LGR5: variants seen among roughly 807,000 people sequenced by gnomAD.
The protein encoded by LGR5 is leucine rich repeat containing G protein-coupled receptor 5.
LGR5 carries 54 observed loss-of-function variants against 76.7 expected under a neutral mutation model. That is an observed-to-expected ratio of 0.70 (90% CI 0.57 to 0.88). The LOEUF (loss-of-function observed/expected upper bound fraction) is 0.88. Among genes scored for constraint, LGR5 ranks in the 40% least tolerant of loss-of-function variants. LGR5 has a pLI of 0.00. For synonymous variants in LGR5, 406 were observed against 421.9 expected, an observed-to-expected ratio of 0.96 and a Z score of 0.46; for missense variants, 1,078 against 1,073.3, an observed-to-expected ratio of 1.00 and a Z score of -0.06.
At chr12:71,494,258 T>C (rs1246020460) in intron 1 of LGR5, among the ~76,000 whole-genome samples, 1 of 150,842 alleles carries the variant, frequency 6.6e-6, no homozygotes, top group Non-Finnish European at 1.5e-5. Context: ...GATTTTTTTT[T>C]GTAGAGACTA....
chr12:71,544,506 G>A (rs149896376), intron 4 of LGR5, among the ~76,000 whole-genome samples: 210 of 147,572 alleles, frequency 1.4e-3, no homozygotes, highest in African/African-American at 4.6e-3. Flanking sequence ...ATATTAATTT[G>A]GAATCACACA....
At chr12:71,481,652 T>C (rs1873608700) in intron 1 of LGR5, among the ~76,000 whole-genome samples, 1 of 152,128 alleles carries the variant, frequency 6.6e-6, no homozygotes, top group Non-Finnish European at 1.5e-5. Context: ...GAAAGGAAGA[T>C]TTCATCCTGT....
At chr12:71,538,944 A>C (rs1876739194) in intron 4 of LGR5, among the ~76,000 whole-genome samples, 1 of 152,206 alleles carries the variant, frequency 6.6e-6, no homozygotes, top group South Asian at 2.1e-4. Context: ...TTAAAATATA[A>C]AAGTCAGGCA....
intron 1 of LGR5, among the ~76,000 whole-genome samples, chr12:71,477,245 A>G (rs1433761858): frequency 6.6e-6 from 1 of 152,040 alleles, no homozygotes; most frequent in East Asian, 1.9e-4. Context: ...CACAAACAAT[A>G]ACCCTGGTAG....
chr12:71,531,912 A>G (rs1206238977), intron 3 of LGR5, among the ~76,000 whole-genome samples: 1 of 152,172 alleles, frequency 6.6e-6, no homozygotes, highest in African/African-American at 2.4e-5. Flanking sequence ...TTTAAGTTCC[A>G]TTATCTGAAG....
intron 4 of LGR5, among the ~76,000 whole-genome samples, chr12:71,544,453 A>G (rs1877053696): frequency 1.3e-5 from 2 of 149,704 alleles, no homozygotes; most frequent in South Asian, 4.2e-4. Context: ...ATAAGCAATC[A>G]TGTTATTTAA....
At chr12:71,471,751 C>T (rs965642224) in intron 1 of LGR5, among the ~76,000 whole-genome samples, 3 of 151,590 alleles carry the variant, frequency 2.0e-5, no homozygotes, top group African/African-American at 7.3e-5. Flanking sequence ...GACTCAGTTT[C>T]CTTCCTATAA....
intron 12 of LGR5, among the ~76,000 whole-genome samples, chr12:71,571,965 A>G (rs1261045864): frequency 1.3e-5 from 2 of 152,156 alleles, no homozygotes; most frequent in South Asian, 4.1e-4. Context: ...TTTGTTTCAC[A>G]ATAGTCAACT....
At chr12:71,519,046 A>T (rs1332323541) in intron 2 of LGR5, among the ~76,000 whole-genome samples, 1 of 152,198 alleles carries the variant, frequency 6.6e-6, no homozygotes, top group African/African-American at 2.4e-5. Flanking sequence ...AGATCTGATC[A>T]CATTACTCTC....
At chr12:71,448,777 A>G (rs1234472572) in intron 1 of LGR5, 4 of 152,246 alleles carry the variant, frequency 2.6e-5, no homozygotes, top group African/African-American at 9.6e-5. Context: ...ATTTCACAGT[A>G]TTTGTTGAGT....
chr12:71,564,964 TGTGTGTATATATAC>T (rs911167245), intron 8 of LGR5, among the ~76,000 whole-genome samples: 10 of 150,926 alleles, frequency 6.6e-5, no homozygotes, highest in African/African-American at 2.5e-4. Flanking sequence ...TATATACGTA[TGTGTGTATATATAC>T]GTGTGTATAT....
chr12:71,466,024 C>T (rs543786708), intron 1 of LGR5, among the ~76,000 whole-genome samples: 34 of 152,322 alleles, frequency 2.2e-4, no homozygotes, highest in Admixed American at 3.9e-4. Flanking sequence ...TTTTATCCAG[C>T]ACTGCACCTG....
intron 1 of LGR5, among the ~76,000 whole-genome samples, chr12:71,499,922 A>G (rs1171148512): frequency 2.0e-5 from 3 of 152,128 alleles, no homozygotes; most frequent in Non-Finnish European, 4.4e-5. Context: ...GAGGAGACAC[A>G]GTAAACATGG....
chr12:71,563,747 C>T (rs1028183241), intron 8 of LGR5, among the ~76,000 whole-genome samples: 3 of 152,102 alleles, frequency 2.0e-5, no homozygotes, highest in Non-Finnish European at 2.9e-5. Flanking sequence ...TAATCTCTCC[C>T]GAACATATGA....
chr12:71,490,477 T>G (rs1362097907), intron 1 of LGR5, among the ~76,000 whole-genome samples: 1 of 152,160 alleles, frequency 6.6e-6, no homozygotes, highest in Non-Finnish European at 1.5e-5. Context: ...ATTACAATAT[T>G]CGAGATGGAG....
rs1394717392 is a variant in LGR5, at chr12:71,523,657, A to T, written c.285-749A>T. Among the ~76,000 whole-genome samples the T allele has an allele frequency of 7.2e-5, 11 of 152,208 alleles. No individual in the cohort carries two copies. In the East Asian group the frequency reaches 2.1e-3, roughly 29 times the overall value. ...GGTTATGGCTTTGATGTGGCTGCCA[A>T]AAAAATACTGAATCACATGTTTCAG... On this transcript the variant is annotated intron_variant, in intron 2 of 17. Coordinates refer to ENST00000266674, the MANE Select transcript of LGR5 (RefSeq NM_003667.4).
At chr12:71,474,855 A>G (rs1873257755) in intron 1 of LGR5, among the ~76,000 whole-genome samples, 1 of 152,246 alleles carries the variant, frequency 6.6e-6, no homozygotes, top group Admixed American at 6.5e-5. Flanking sequence ...GGAAAAATAC[A>G]TCATAGCATA....
intron 1 of LGR5, among the ~76,000 whole-genome samples, chr12:71,464,506 G>C (rs1565662807): frequency 6.6e-6 from 1 of 152,118 alleles, no homozygotes; most frequent in Non-Finnish European, 1.5e-5. Context: ...TTTCCGGAAG[G>C]GTTAAACACA....
intron 12 of LGR5, 145 bp from the exon 13 acceptor site, chr12:71,572,705 A>G (rs1878668101): frequency 2.2e-5 from 13 of 602,288 alleles, no homozygotes; most frequent in Non-Finnish European, 3.5e-5. Context: ...TCTTTTTTAA[A>G]CAAACAAAAA....
Sources: gnomAD v4.1 joint callset for allele counts (sites outside exome capture counted in the v4.1 genomes callset) on GRCh38, gnomAD v4.1.1 for gene constraint, MANE v1.5 for transcripts, NCBI Gene and HGNC (gene_info 2026-07-23, HGNC 2026-07-21) for gene names.